The following PARD3 variants were observed in gnomAD, a reference collection of about 807,000 sequenced individuals.
PARD3 encodes the protein partitioning defective 3 homolog.
A neutral mutation model predicts 155.4 loss-of-function variants in PARD3; 75 were observed. The ratio of observed to expected loss-of-function variants is 0.48; its 90% confidence interval spans 0.40 to 0.58. The LOEUF is 0.58. Ranked by LOEUF, PARD3 falls within the 20% of genes least tolerant of loss-of-function variation. PARD3 has a pLI of 0.00. For synonymous variants in PARD3, 576 were observed against 610.5 expected (o/e 0.94, Z 0.83); for missense variants, 1,642 against 1,721.7 (o/e 0.95, Z 0.82).
At chr10:34,357,595 C>T (rs10827354) in intron 14 of PARD3, among the ~76,000 whole-genome samples, 88,981 of 152,058 alleles carry the variant, frequency 0.59, 27,780 homozygotes, top group African/African-American at 0.82. Context: ...GTAAAAACTA[C>T]TATTCAATCA....
intron 1 of PARD3, among the ~76,000 whole-genome samples, chr10:34,719,207 T>C (rs1387464480): frequency 1.3e-5 from 2 of 152,320 alleles, no homozygotes; most frequent in African/African-American, 2.4e-5. Flanking sequence ...CTAACCTTCA[T>C]GTCATCATTA....
chr10:34,445,254 T>C (rs2076678937), intron 5 of PARD3, among the ~76,000 whole-genome samples: 2 of 152,368 alleles, frequency 1.3e-5, no homozygotes, highest in South Asian at 4.1e-4. Context: ...AATAGATTTC[T>C]AGTGTATAAA....
intron 2 of PARD3, among the ~76,000 whole-genome samples, chr10:34,592,594 G>A (rs1392017098): frequency 3.3e-5 from 5 of 152,208 alleles, no homozygotes; most frequent in African/African-American, 4.8e-5. Context: ...TGGCCAACAT[G>A]GTGAAACCCT....
intron 1 of PARD3, among the ~76,000 whole-genome samples, chr10:34,713,603 A>C (rs138778087): frequency 6.6e-6 from 1 of 152,174 alleles, no homozygotes; most frequent in African/African-American, 2.4e-5. Context: ...CCACCAAAAA[A>C]ATTAAAAATA....
Position 34,234,613 on chromosome 10 carries a change from A to G in PARD3, c.3419+35044T>C, listed in dbSNP as rs185768821. On this transcript the variant is annotated intron_variant, in intron 22 of 24. Transcript: ENST00000374788. ...GTACTCAGCCAAATGTCATCTTCCC[A>G]AAGAAATTATTCAGCACCTTGATTA... 2.6e-5 allele frequency among the ~76,000 whole-genome samples: 4 copies of G among 152,310 alleles called. No homozygotes were observed. In the East Asian group the frequency reaches 7.7e-4, roughly 29 times the overall value.
chr10:34,506,003 G>A (rs961360606), intron 3 of PARD3, among the ~76,000 whole-genome samples: 6 of 152,148 alleles, frequency 3.9e-5, no homozygotes, highest in South Asian at 4.1e-4. Context: ...GCAGGTGCCT[G>A]TAATCCCAGC....
chr10:34,209,781 G>A (rs1951651203), intron 22 of PARD3, among the ~76,000 whole-genome samples: 1 of 152,118 alleles, frequency 6.6e-6, no homozygotes, highest in Non-Finnish European at 1.5e-5. Context: ...AAATTCTTGG[G>A]AGAGAAAGCA....
chr10:34,490,667 C>T (rs2079838675), intron 3 of PARD3, among the ~76,000 whole-genome samples: 1 of 152,170 alleles, frequency 6.6e-6, no homozygotes, highest in Non-Finnish European at 1.5e-5. Flanking sequence ...AGATAATATA[C>T]TTAGCACTCA....
chr10:34,597,505 T>C lies in PARD3; in HGVS notation c.223-80346A>G, dbSNP rs537259026. ...TAGGAGTATCACAATAACAGCTCGC[T>C]GCACCCTCCAACTCCTGGGCTCAAG... On this transcript the variant is annotated intron_variant, in intron 2 of 24. Transcript: ENST00000374788. Among the ~76,000 whole-genome samples, 47 of 152,222 alleles carry C rather than the reference T, an allele frequency of 3.1e-4. 1 individual carries two copies. Among genetic ancestry groups the C allele is most frequent in the Admixed American group, 8.5e-4 (13 of 15,274 alleles).
intron 2 of PARD3, among the ~76,000 whole-genome samples, chr10:34,604,988 G>C (rs1465112560): frequency 6.6e-6 from 1 of 151,668 alleles, no homozygotes; most frequent in Non-Finnish European, 1.5e-5. Flanking sequence ...TTAACTGATA[G>C]AATTAAAAAT....
At chr10:34,604,831 C>T (rs2090090813) in intron 2 of PARD3, among the ~76,000 whole-genome samples, 3 of 151,878 alleles carry the variant, frequency 2.0e-5, no homozygotes, top group Non-Finnish European at 1.5e-5. Context: ...TTGCAGAAGA[C>T]TCAAAAGAGA....
chr10:34,238,051 A>T (rs1360586397), intron 22 of PARD3, among the ~76,000 whole-genome samples: 1 of 152,308 alleles, frequency 6.6e-6, no homozygotes, highest in Non-Finnish European at 1.5e-5. Flanking sequence ...AATAATGAAA[A>T]CCACTCCAAC....
chr10:34,564,391 A>G (rs912902309), intron 2 of PARD3, among the ~76,000 whole-genome samples: 7 of 152,214 alleles, frequency 4.6e-5, no homozygotes, highest in African/African-American at 1.7e-4. Flanking sequence ...TCAGGGATCT[A>G]CTTTTCTCTG....
intron 12 of PARD3, among the ~76,000 whole-genome samples, chr10:34,370,952 C>T (rs1043814602): frequency 3.9e-5 from 6 of 151,908 alleles, no homozygotes; most frequent in Admixed American, 2.0e-4. Context: ...GTTATAAACA[C>T]TACGTAAACT....
At chr10:34,227,856 T>TTTTATATATATATATATATATA (rs1554814033) in intron 22 of PARD3, among the ~76,000 whole-genome samples, 1 of 82,242 alleles carries the variant, frequency 1.2e-5, no homozygotes, top group Admixed American at 1.2e-4. Context: ...GAATTATTTT[T>TTTTATATATATATATATATATA]TATATATATA....
chr10:34,606,965 TA>T (rs531578595), intron 2 of PARD3, among the ~76,000 whole-genome samples: 1,603 of 114,804 alleles, frequency 0.014, 35 homozygotes, highest in African/African-American at 0.047. Context: ...GACTCTGTCT[TA>T]AAAAAAAAAA....
intron 20 of PARD3, among the ~76,000 whole-genome samples, chr10:34,298,377 A>C (rs1405686105): frequency 6.6e-6 from 1 of 152,230 alleles, no homozygotes; most frequent in Non-Finnish European, 1.5e-5. Context: ...TGGATAAACA[A>C]AATGACGTAT....
intron 1 of PARD3, among the ~76,000 whole-genome samples, chr10:34,747,755 T>C (rs551836397): frequency 6.6e-6 from 1 of 152,346 alleles, no homozygotes; most frequent in Admixed American, 6.5e-5. Context: ...GTGAAAGATG[T>C]TGAAACATGT....
At chr10:34,517,516 A>G (rs2081858312) in intron 2 of PARD3, among the ~76,000 whole-genome samples, 1 of 152,260 alleles carries the variant, frequency 6.6e-6, no homozygotes, top group Non-Finnish European at 1.5e-5. Context: ...GTATACATAT[A>G]TATCTGTGTG....
Sources: allele counts gnomAD v4.1 joint callset (sites outside exome capture counted in the v4.1 genomes callset), GRCh38; gene constraint gnomAD v4.1.1; transcripts MANE v1.5; gene names NCBI Gene and HGNC (gene_info 2026-07-23, HGNC 2026-07-21).